Variants in ZNF577 observed in about 807,000 individuals in gnomAD.
ZNF577 encodes the protein zinc finger protein 577.
A neutral mutation model predicts 13.9 loss-of-function variants in ZNF577; 14 were observed. The ratio of observed to expected loss-of-function variants is 1.00; its 90% CI spans 0.66 to 1.57. The LOEUF is 1.57. Ranked by LOEUF, ZNF577 falls within the 40% of genes most tolerant of loss-of-function variation. The pLI is 0.00. For missense variants in ZNF577, 555 were observed against 579.2 expected (o/e 0.96, Z 0.43); for synonymous variants, 203 against 202.9 (o/e 1.00, Z 0.00).
At chr19:51,853,987 C>A (rs888699356) in intron 5 of ZNF577, among the ~76,000 whole-genome samples, 1 of 150,784 alleles carries the variant, frequency 6.6e-6, no homozygotes, top group Non-Finnish European at 1.5e-5. Flanking sequence ...GCAAATATGG[C>A]AAAAATTAAC....
chr19:51,847,871 C>A (rs1158412216), intron 5 of ZNF577, among the ~76,000 whole-genome samples: 4 of 152,204 alleles, frequency 2.6e-5, no homozygotes, highest in African/African-American at 9.6e-5. Flanking sequence ...CTTCTGCTCA[C>A]TGGGCTGGAT....
At chr19:51,843,455 C>T (rs983519451) in intron 6 of ZNF577, 1 of 152,178 alleles carries the variant, frequency 6.6e-6, no homozygotes, top group South Asian at 2.1e-4. Context: ...TTGGTTTGCA[C>T]TTTGTGAGTG....
chr19:51,838,799 A>G (rs1254631920), intron 9 of ZNF577, among the ~76,000 whole-genome samples: 1 of 151,960 alleles, frequency 6.6e-6, no homozygotes, highest in Non-Finnish European at 1.5e-5. Context: ...TTTTACTATT[A>G]CTGCCTGGTT....
Position 51,824,125 on chromosome 19 carries a change from G to A in ZNF577, c.*600-12451C>T, listed in dbSNP as rs1221703500. ...ATCATTGCTCTGGACCGCTGTATTT[G>A]TGTCCTGCATCCAGCCTGGGCCCAG... On this transcript the variant is annotated intron_variant and NMD_transcript_variant, in intron 9 of 10. Coordinates refer to the ZNF577 transcript ENST00000638827. This position sits in a 1 kb window ranked among gnomAD's most constrained non-coding sequence, Gnocchi z 4.7. 1 of 1,613,938 alleles carries A rather than the reference G, an allele frequency of 6.2e-7. No homozygotes were observed. Among genetic ancestry groups the A allele is most frequent in the Non-Finnish European group, 8.5e-7 (1 of 1,179,924 alleles).
chr19:51,878,216 A>G (rs966488155), intron 4 of ZNF577, 173 bp downstream of exon 4: 2 of 579,088 alleles, frequency 3.5e-6, no homozygotes, highest in Non-Finnish European at 2.8e-6. Flanking sequence ...CATTTAACCC[A>G]CTGAACTGCA....
intron 5 of ZNF577, among the ~76,000 whole-genome samples, chr19:51,858,760 T>C (rs1179860175): frequency 6.6e-6 from 1 of 152,142 alleles, no homozygotes; most frequent in Non-Finnish European, 1.5e-5. Flanking sequence ...TTCAGTCAAG[T>C]AAGTCTCATT....
At position 51,869,944 on chromosome 19, in the gene ZNF577, C is replaced by T. The variant is rs1000019335; in HGVS notation, c.*2588G>A. On this transcript the variant is annotated 3_prime_UTR_variant, in exon 6 of 6. Coordinates refer to ENST00000638348, the MANE Select transcript of ZNF577 (RefSeq NM_001370449.1). ...GAGAAGGCAAAGAGGGGCTAAACACCGGGTAGACTACACTGCACAAATTCA... is the reference window on the plus strand; with the variant it reads ...GAGAAGGCAAAGAGGGGCTAAACACTGGGTAGACTACACTGCACAAATTCA... Among the ~76,000 whole-genome samples the T allele has an allele frequency of 2.0e-5, 3 of 152,148 alleles. No homozygotes were observed. The highest frequency in any genetic ancestry group is 1.9e-4 in the East Asian group (1 of 5,182).
intron 9 of ZNF577, among the ~76,000 whole-genome samples, chr19:51,815,548 G>A (rs1402446542): frequency 7.4e-6 from 1 of 134,360 alleles, no homozygotes; most frequent in East Asian, 2.2e-4. Flanking sequence ...CAGCCTGAGG[G>A]ACAGGGTGAG....
rs2084969605 is a variant in ZNF577, at chr19:51,887,595, G to C, written c.-993C>G. The C allele has an allele frequency of 6.6e-6, 1 of 151,872 alleles. No homozygotes were observed. The highest frequency in any genetic ancestry group is 1.9e-4 in the East Asian group (1 of 5,144). The allele number at this position is 151,872 out of a possible 1,614,324, so 9.4% of individuals were successfully genotyped here. ...GCAGTCTCCAACACTGACACGATTC[G>C]CTTCCCCACCACGACGCCCTAGCGC... On this transcript the variant is annotated 5_prime_UTR_variant, in exon 1 of 6. Transcript: ENST00000638348.
In ZNF577 at chr19:51,833,170, A is replaced by C. The variant is rs575427349; in HGVS notation, c.*599+6723T>G. 6.1e-5 allele frequency among the ~76,000 whole-genome samples: 8 copies of C among 132,094 alleles called. No individual in the cohort carries two copies. The South Asian group carries it at 2.1e-3, about 34-fold the overall frequency. 86.7% of individuals were successfully genotyped at this position (132,094 alleles called of 152,430 possible). On this transcript the variant is annotated intron_variant and NMD_transcript_variant, in intron 9 of 10. Coordinates refer to the ZNF577 transcript ENST00000638827. ...ATCTGCCTTGTTCTTCCCAACTCCCAACTTTATCTTCTTATTTCAAAGAGT... is the reference window on the plus strand; with the variant it reads ...ATCTGCCTTGTTCTTCCCAACTCCCCACTTTATCTTCTTATTTCAAAGAGT...
rs535074433 is a variant in ZNF577, at chr19:51,870,685, T to A, written c.*1847A>T. Among the ~76,000 whole-genome samples, 11 of 152,268 alleles carry A rather than the reference T, an allele frequency of 7.2e-5. No homozygotes were observed. Among genetic ancestry groups the A allele is most frequent in the Admixed American group, 4.6e-4 (7 of 15,300 alleles). ...GGGGAAACTCTACAGAACTCTCAATTCTTGAGTGCAGCTCTTCTCCAATAA... is the reference window on the plus strand; with the variant it reads ...GGGGAAACTCTACAGAACTCTCAATACTTGAGTGCAGCTCTTCTCCAATAA... On this transcript the variant is annotated 3_prime_UTR_variant, in exon 6 of 6. Coordinates refer to ENST00000638348, the MANE Select transcript of ZNF577 (RefSeq NM_001370449.1).
In ZNF577 at chr19:51,850,535, A is replaced by G. The variant is rs375612507; in HGVS notation, c.284-5604T>C. 4.3e-4 allele frequency among the ~76,000 whole-genome samples: 66 copies of G among 152,330 alleles called. 2 individuals are homozygous for G. The East Asian group carries it at 0.01, about 24-fold the overall frequency. On this transcript the variant is annotated intron_variant and NMD_transcript_variant, in intron 5 of 10. Transcript: ENST00000638827. Reference sequence around the variant, plus strand: ...CACTGGACCCTACCCTATGCAGTTCATCCCTCTACTGACTTTGTTCTGTAG... The same window carrying G: ...CACTGGACCCTACCCTATGCAGTTCGTCCCTCTACTGACTTTGTTCTGTAG...
At chr19:51,833,861 T>A in intron 9 of ZNF577, among the ~76,000 whole-genome samples, 1 of 152,154 alleles carries the variant, frequency 6.6e-6, no homozygotes, top group South Asian at 2.1e-4. Flanking sequence ...GTACAATATA[T>A]TTTTTTCTTT....
chr19:51,873,753 T>C, intron 5 of ZNF577, 47 bp from the exon 6 acceptor site: 2 of 1,389,470 alleles, frequency 1.4e-6, no homozygotes, highest in Non-Finnish European at 2.0e-6. Flanking sequence ...ACTTATTGTG[T>C]CTTTACATTA....
intron 9 of ZNF577, among the ~76,000 whole-genome samples, chr19:51,831,270 C>T (rs972015416): frequency 2.0e-5 from 3 of 152,066 alleles, no homozygotes; most frequent in Non-Finnish European, 4.4e-5. Flanking sequence ...GTTCATGCCA[C>T]CCCGCCTGGC....
intron 9 of ZNF577, among the ~76,000 whole-genome samples, chr19:51,818,206 GA>G (rs2084157545): frequency 6.6e-6 from 1 of 152,032 alleles, no homozygotes; most frequent in Non-Finnish European, 1.5e-5. Flanking sequence ...GACTTAGTAT[GA>G]AAAAAGAACG....
chr19:51,887,925 A>T lies in ZNF577; in HGVS notation c.-1323T>A, dbSNP rs1008263237. On this transcript the variant is annotated 5_prime_UTR_variant, in exon 1 of 6. Transcript: ENST00000638348. Reference sequence around the variant, plus strand: ...ACCCGCCGCCCCGCGAACCCCACACACTGCAGACGCGACACTCGCAAGTTT... The same window carrying T: ...ACCCGCCGCCCCGCGAACCCCACACTCTGCAGACGCGACACTCGCAAGTTT... 9 of 151,908 alleles carry T rather than the reference A, an allele frequency of 5.9e-5. No homozygotes were observed. Among genetic ancestry groups the T allele is most frequent in the African/African-American group, 2.2e-4 (9 of 41,320 alleles). The allele number at this position is 151,908 out of a possible 1,614,324, so 9.4% of individuals were successfully genotyped here.
chr19:51,808,632 T>G (rs886364184), intron 10 of ZNF577, among the ~76,000 whole-genome samples: 1 of 152,196 alleles, frequency 6.6e-6, no homozygotes, highest in Non-Finnish European at 1.5e-5. Context: ...AAATCAAGGC[T>G]TATCCTTCTC....
At chr19:51,886,445 A>T (rs1400311815) in intron 1 of ZNF577, 1 of 152,152 alleles carries the variant, frequency 6.6e-6, no homozygotes, top group Non-Finnish European at 1.5e-5. Flanking sequence ...TCATTTTTTG[A>T]TGCAAAAATA....
Sources: gnomAD v4.1 joint callset for allele counts (sites outside exome capture counted in the v4.1 genomes callset) on GRCh38, gnomAD v4.1.1 for gene constraint, Gnocchi (gnomAD v3.1) non-coding constraint, MANE v1.5 for transcripts, NCBI Gene and HGNC (gene_info 2026-07-23, HGNC 2026-07-21) for gene names.